Variants in ODAD2 observed in about 807,000 individuals in gnomAD.
ODAD2 encodes the protein outer dynein arm-docking complex subunit 2.
In ODAD2, 89 loss-of-function variants were observed where a neutral mutation model predicts 106.8. The ratio of observed to expected loss-of-function variants is 0.83; its 90% confidence interval spans 0.70 to 0.99. The LOEUF (loss-of-function observed/expected upper bound fraction) is 0.99, where lower values mean the gene tolerates loss of function less well. Among genes scored for constraint, ODAD2 ranks in the 50% least tolerant of loss-of-function variants. The pLI, the probability that ODAD2 is intolerant of heterozygous loss-of-function variation, is 0.00. For missense variants in ODAD2, 1,168 were observed against 1,238.5 expected (o/e 0.94, Z 0.85); for synonymous variants, 404 against 436.2 (o/e 0.93, Z 0.92).
At chr10:27,906,178 A>T (rs780332725) in intron 17 of ODAD2, among the ~76,000 whole-genome samples, 9 of 152,162 alleles carry the variant, frequency 5.9e-5, no homozygotes, top group Non-Finnish European at 1.3e-4. Flanking sequence ...AGAAAAAACA[A>T]CTCCATCAAA....
rs752072117 is a variant in ODAD2, at chr10:27,987,413, A to G, written c.355T>C (p.Leu119=). 1.2e-6 allele frequency: 2 copies of G among 1,613,520 alleles called. No homozygotes were observed. Among genetic ancestry groups the G allele is most frequent in the Non-Finnish European group, 1.7e-6 (2 of 1,179,812 alleles). The change falls in exon 3 of 20, where the codon TTG becomes CTG. Residue 119 remains leucine (L), a synonymous_variant. Transcript: ENST00000305242. The stretch of plus-strand genomic sequence containing the variant: ...TCAACACATGCTTGGGCTTCCTTCA[A>G]CTTCCCAGTTTTGGCAATAAGTAAC... ...RLLLIAKTGK[L]KEAQACVEAN... is the part of the protein sequence containing the mutation.
At chr10:27,848,135 CA>C (rs1220797153) in intron 19 of ODAD2, among the ~76,000 whole-genome samples, 2 of 152,158 alleles carry the variant, frequency 1.3e-5, no homozygotes, top group African/African-American at 4.8e-5. Flanking sequence ...GCCAAAAGAA[CA>C]AAGCCGGAGG....
At chr10:27,925,585 T>C (rs1465870943) in intron 16 of ODAD2, among the ~76,000 whole-genome samples, 1 of 152,182 alleles carries the variant, frequency 6.6e-6, no homozygotes, top group African/African-American at 2.4e-5. Context: ...CTCAAACTCC[T>C]GGCCTCAAGT....
intron 16 of ODAD2, among the ~76,000 whole-genome samples, chr10:27,914,297 C>A (rs577792452): frequency 2.0e-5 from 3 of 151,970 alleles, no homozygotes; most frequent in Admixed American, 6.6e-5. Flanking sequence ...GACCACCAGA[C>A]CTTTCCATTT....
intron 17 of ODAD2, among the ~76,000 whole-genome samples, chr10:27,868,039 C>A (rs1364654103): frequency 6.6e-6 from 1 of 151,850 alleles, no homozygotes; most frequent in Non-Finnish European, 1.5e-5. Context: ...ACAAACACTT[C>A]TCAAAAGAAG....
chr10:27,887,819 T>A (rs1842323886), intron 17 of ODAD2, among the ~76,000 whole-genome samples: 1 of 151,702 alleles, frequency 6.6e-6, no homozygotes, highest in African/African-American at 2.4e-5. Flanking sequence ...GATAAAAAAA[T>A]TCAGACTTTA....
At chr10:27,877,883 T>C (rs1441597777) in intron 17 of ODAD2, among the ~76,000 whole-genome samples, 2 of 152,240 alleles carry the variant, frequency 1.3e-5, no homozygotes, top group African/African-American at 4.8e-5. Context: ...CTTCACAACG[T>C]TGTCTTAAGG....
At chr10:27,993,791 C>T (rs1353797436) in intron 2 of ODAD2, among the ~76,000 whole-genome samples, 2 of 152,116 alleles carry the variant, frequency 1.3e-5, no homozygotes, top group African/African-American at 4.8e-5. Context: ...ACTTTATTCT[C>T]ACAAATAATC....
At chr10:27,969,093 G>A in intron 8 of ODAD2, 75 bp from the exon 9 acceptor site, 1 of 598,552 alleles carries the variant, frequency 1.7e-6, no homozygotes, top group Non-Finnish European at 3.0e-6. Context: ...TGGCAATGTA[G>A]ATATATACTC....
chr10:27,984,061 T>C, intron 5 of ODAD2, 82 bp from the exon 6 acceptor site: 3 of 1,542,318 alleles, frequency 1.9e-6, no homozygotes, highest in Non-Finnish European at 2.6e-6. Context: ...AAAATAAATA[T>C]TGTGGAAATT....
chr10:27,817,808 G>T (rs142368914), intron 19 of ODAD2, among the ~76,000 whole-genome samples: 37 of 152,164 alleles, frequency 2.4e-4, no homozygotes, highest in African/African-American at 8.2e-4. Context: ...ACAAGTGCAG[G>T]TATGTTTTTG....
At chr10:27,815,872 C>T (rs957506631) in intron 19 of ODAD2, among the ~76,000 whole-genome samples, 3 of 152,190 alleles carry the variant, frequency 2.0e-5, no homozygotes, top group African/African-American at 7.2e-5. Context: ...TCATATCCAA[C>T]ACTTCTTAGC....
intron 19 of ODAD2, among the ~76,000 whole-genome samples, chr10:27,817,315 C>T (rs1836215254): frequency 6.6e-6 from 1 of 152,064 alleles, no homozygotes; most frequent in Non-Finnish European, 1.5e-5. Context: ...TTTGTTTATA[C>T]CTCACTTTAC....
intron 19 of ODAD2, among the ~76,000 whole-genome samples, chr10:27,834,850 T>A (rs1350705699): frequency 1.3e-5 from 2 of 152,146 alleles, no homozygotes; most frequent in Non-Finnish European, 2.9e-5. Flanking sequence ...CACACCTAAG[T>A]CATAGAGTCT....
Position 27,812,465 on chromosome 10 carries a change from G to A in ODAD2, c.*47C>T. The A allele has an allele frequency of 4.4e-6, 7 of 1,590,060 alleles. No individual in the cohort carries two copies. Among genetic ancestry groups the A allele is most frequent in the Non-Finnish European group, 6.0e-6 (7 of 1,162,932 alleles). On this transcript the variant is annotated 3_prime_UTR_variant, in exon 20 of 20. Coordinates refer to ENST00000305242, the MANE Select transcript of ODAD2 (RefSeq NM_018076.5). ...GGCTTTCTGGCCATGGGAGTGACAT[G>A]TCCTGTGTCATGTAGAATTTGATAG...
At chr10:27,855,382 T>G in intron 19 of ODAD2, among the ~76,000 whole-genome samples, 1 of 152,124 alleles carries the variant, frequency 6.6e-6, no homozygotes, top group Non-Finnish European at 1.5e-5. Context: ...TATTACTCTA[T>G]ATGTAGTATA....
At chr10:27,856,654 G>T (rs1390046029) in intron 19 of ODAD2, among the ~76,000 whole-genome samples, 1 of 152,190 alleles carries the variant, frequency 6.6e-6, no homozygotes, top group Non-Finnish European at 1.5e-5. Context: ...CCACTAGTGA[G>T]CACTTAAAAT....
At chr10:27,912,134 G>A (rs1844055740) in intron 16 of ODAD2, among the ~76,000 whole-genome samples, 1 of 152,174 alleles carries the variant, frequency 6.6e-6, no homozygotes, top group South Asian at 2.1e-4. Context: ...TATAGGTGGT[G>A]TTAATTTATA....
chr10:27,908,545 C>T (rs1373389268), intron 16 of ODAD2, among the ~76,000 whole-genome samples: 1 of 151,996 alleles, frequency 6.6e-6, no homozygotes, highest in African/African-American at 2.4e-5. Context: ...ACAAACATGG[C>T]TTTGTTTCGG....
Sources: allele counts gnomAD v4.1 joint callset (sites outside exome capture counted in the v4.1 genomes callset), GRCh38; gene constraint gnomAD v4.1.1; transcripts MANE v1.5; gene names NCBI Gene and HGNC (gene_info 2026-07-23, HGNC 2026-07-21).